Variants in PARD3B observed in about 807,000 individuals in gnomAD.
The protein encoded by PARD3B is partitioning defective 3 homolog B.
Under a neutral mutation model 130.2 loss-of-function variants are expected in PARD3B, and 103 were observed. The observed-to-expected ratio is 0.79, with a 90% confidence interval of 0.67 to 0.93. The LOEUF is 0.93. PARD3B is among the 40% of genes least tolerant of loss of function. PARD3B has a pLI of 0.00. For missense variants in PARD3B, 1,609 were observed against 1,499.2 expected, an observed-to-expected ratio of 1.07 and a Z score of -1.21; for synonymous variants, 583 against 553.2, an observed-to-expected ratio of 1.05 and a Z score of -0.76.
chr2:204,653,547 T>C (rs2035551901), intron 1 of PARD3B, among the ~76,000 whole-genome samples: 1 of 150,630 alleles, frequency 6.6e-6, no homozygotes, highest in East Asian at 1.9e-4. Context: ...TCCCAGCACT[T>C]TGGGAGGCCG....
chr2:204,822,105 C>T (rs2043383979), intron 2 of PARD3B, among the ~76,000 whole-genome samples: 1 of 152,198 alleles, frequency 6.6e-6, no homozygotes, highest in Non-Finnish European at 1.5e-5. Flanking sequence ...CCGTTAAGAA[C>T]ATCCATGATT....
At chr2:204,849,252 A>G (rs2044605003) in intron 2 of PARD3B, among the ~76,000 whole-genome samples, 1 of 152,120 alleles carries the variant, frequency 6.6e-6, no homozygotes, top group Non-Finnish European at 1.5e-5. Flanking sequence ...ACTCTGTAGG[A>G]CATACAGGAC....
intron 2 of PARD3B, among the ~76,000 whole-genome samples, chr2:204,824,564 T>C (rs766632826): frequency 1.3e-5 from 2 of 152,078 alleles, no homozygotes; most frequent in Admixed American, 6.5e-5. Flanking sequence ...ATTGAGAAAA[T>C]AGAGCTGCCA....
At chr2:204,912,544 G>A (rs9288358) in intron 2 of PARD3B, among the ~76,000 whole-genome samples, 34,559 of 151,968 alleles carry the variant, frequency 0.23, 4,476 homozygotes, top group Non-Finnish European at 0.3. Flanking sequence ...TTAAAAGTGC[G>A]AAGTATACAG....
intron 2 of PARD3B, among the ~76,000 whole-genome samples, chr2:204,740,667 A>G (rs1009605480): frequency 6.6e-6 from 1 of 152,146 alleles, no homozygotes; most frequent in Non-Finnish European, 1.5e-5. Context: ...TGAGATGACT[A>G]AAAGGCTGAG....
intron 21 of PARD3B, among the ~76,000 whole-genome samples, chr2:205,546,401 A>G (rs2052381275): frequency 6.6e-6 from 1 of 152,086 alleles, no homozygotes; most frequent in South Asian, 2.1e-4. Flanking sequence ...TTAGGTCACT[A>G]CATTAAAAAG....
At chr2:205,100,456 T>C (rs916785734) in intron 4 of PARD3B, among the ~76,000 whole-genome samples, 3 of 141,774 alleles carry the variant, frequency 2.1e-5, no homozygotes, top group African/African-American at 7.5e-5. Flanking sequence ...AACCCAACTG[T>C]TTTTTTTTTG....
chr2:205,059,897 C>T (rs201523666), intron 4 of PARD3B, among the ~76,000 whole-genome samples: 3 of 152,172 alleles, frequency 2.0e-5, no homozygotes, highest in East Asian at 1.9e-4. Flanking sequence ...TCATGTCAGT[C>T]GTGGACACTT....
intron 2 of PARD3B, among the ~76,000 whole-genome samples, chr2:204,816,911 C>T (rs2043168545): frequency 1.3e-5 from 2 of 151,934 alleles, no homozygotes; most frequent in Non-Finnish European, 2.9e-5. Context: ...ATTGTATTTT[C>T]AATTTTTAAA....
At position 205,309,139 on chromosome 2, in the gene PARD3B, A is replaced by G. The variant is rs982238916; in HGVS notation, c.2630+7438A>G. Among the ~76,000 whole-genome samples the G allele has an allele frequency of 6.6e-6, 1 of 152,224 alleles. No homozygotes were observed. On this transcript the variant is annotated intron_variant, in intron 18 of 22. Coordinates refer to ENST00000406610, the MANE Select transcript of PARD3B (RefSeq NM_001302769.2). This position sits in a 1 kb window ranked among gnomAD's most constrained non-coding sequence, Gnocchi z 4.7. ...CAACTCCACATAGAGCTATAACAAA[A>G]AACTAACCCAAACTGTGTCTGTTTT...
At chr2:205,076,691 G>T (rs533074400) in intron 4 of PARD3B, among the ~76,000 whole-genome samples, 1 of 152,024 alleles carries the variant, frequency 6.6e-6, no homozygotes, top group African/African-American at 2.4e-5. Context: ...GTGAACTGTG[G>T]ATCTAGGTTG....
At position 204,887,998 on chromosome 2, in the gene PARD3B, T is replaced by C. The variant is rs956167841; in HGVS notation, c.223-77154T>C. ...CCAGCATTCCAACTGGGAGGGATCA[T>C]TGGTGAAGTGTCAAGATGTCCATGG... On this transcript the variant is annotated intron_variant, in intron 2 of 22. Transcript: ENST00000406610. The surrounding 1 kb of genome is among the most constrained non-coding windows in gnomAD (Gnocchi z 4.2). Among the ~76,000 whole-genome samples the C allele has an allele frequency of 2.6e-5, 4 of 151,992 alleles. No individual in the cohort carries two copies. The highest frequency in any genetic ancestry group is 5.9e-5 in the Non-Finnish European group (4 of 67,992).
intron 2 of PARD3B, among the ~76,000 whole-genome samples, chr2:204,757,952 T>G (rs1472565199): frequency 6.6e-6 from 1 of 152,152 alleles, no homozygotes; most frequent in Admixed American, 6.6e-5. Context: ...TTACAAGTAT[T>G]TAATGTTCTG....
chr2:205,242,030 A>G (rs1478423519), intron 15 of PARD3B, among the ~76,000 whole-genome samples: 2 of 152,184 alleles, frequency 1.3e-5, no homozygotes, highest in Non-Finnish European at 2.9e-5. Context: ...AGCACTAAGC[A>G]TGTGTATAAA....
chr2:205,043,147 A>T (rs1391985945), intron 3 of PARD3B, among the ~76,000 whole-genome samples: 1 of 151,888 alleles, frequency 6.6e-6, no homozygotes, highest in East Asian at 1.9e-4. Context: ...AAAAGTTTTG[A>T]TTCGTATTGT....
At chr2:205,451,332 T>C (rs927188831) in intron 20 of PARD3B, among the ~76,000 whole-genome samples, 3 of 151,694 alleles carry the variant, frequency 2.0e-5, no homozygotes, top group African/African-American at 4.9e-5. Flanking sequence ...TGGCAAAAAA[T>C]GTATTAAAAG....
chr2:204,997,732 C>T (rs1449026450), intron 3 of PARD3B, among the ~76,000 whole-genome samples: 1 of 151,728 alleles, frequency 6.6e-6, no homozygotes, highest in East Asian at 1.9e-4. Flanking sequence ...CATTACTACA[C>T]TTAGAGCTCC....
chr2:205,294,730 C>A (rs1456837787), intron 16 of PARD3B, among the ~76,000 whole-genome samples: 2 of 152,030 alleles, frequency 1.3e-5, no homozygotes, highest in African/African-American at 4.8e-5. Context: ...CGATAAAAGA[C>A]CCTGGGATTT....
Position 204,592,919 on chromosome 2 carries a change from T to C in PARD3B, c.120+46800T>C, listed in dbSNP as rs147886729. On this transcript the variant is annotated intron_variant, in intron 1 of 22. Transcript: ENST00000406610. ...TGTGATTAGCTTCTTTCAGTTGAAATGTTTTCAAGGTTCAACCATGTTGTA... is the reference window on the plus strand; with the variant it reads ...TGTGATTAGCTTCTTTCAGTTGAAACGTTTTCAAGGTTCAACCATGTTGTA... Among the ~76,000 whole-genome samples the C allele has an allele frequency of 1.2e-3, 178 of 152,358 alleles. 2 individuals are homozygous for C. The highest frequency in any genetic ancestry group is 4.0e-3 in the African/African-American group (167 of 41,578).
Sources: gnomAD v4.1 joint callset for allele counts (sites outside exome capture counted in the v4.1 genomes callset) on GRCh38, gnomAD v4.1.1 for gene constraint, Gnocchi (gnomAD v3.1) non-coding constraint, MANE v1.5 for transcripts, NCBI Gene and HGNC (gene_info 2026-07-23, HGNC 2026-07-21) for gene names.